Variants in CACNA1C observed in about 807,000 individuals in gnomAD.
CACNA1C encodes calcium voltage-gated channel subunit alpha1 C.
CACNA1C carries 30 observed loss-of-function variants against 229.0 expected under a neutral mutation model. The observed-to-expected ratio is 0.13, with a 90% CI of 0.10 to 0.18. CACNA1C has a LOEUF of 0.18. Among genes scored for constraint, CACNA1C ranks in the 10% least tolerant of loss-of-function variants. CACNA1C has a pLI of 1.00. For missense variants in CACNA1C, 1,658 were observed against 2,845.0 expected, an observed-to-expected ratio of 0.58 and a Z score of 9.49; for synonymous variants, 1,114 against 1,132.5, an observed-to-expected ratio of 0.98 and a Z score of 0.33.
intron 3 of CACNA1C, among the ~76,000 whole-genome samples, chr12:2,286,299 A>C (rs1566883260): frequency 6.6e-6 from 1 of 152,230 alleles, no homozygotes; most frequent in Non-Finnish European, 1.5e-5. Flanking sequence ...AGGAAGCAAG[A>C]ACCTTAATTA....
At chr12:2,187,170 T>C (rs1225783742) in intron 3 of CACNA1C, among the ~76,000 whole-genome samples, 1 of 152,232 alleles carries the variant, frequency 6.6e-6, no homozygotes, top group Non-Finnish European at 1.5e-5. Context: ...TTTACCATCA[T>C]TCTGTGAGTG....
chr12:2,676,938 GT>G (rs994257938), intron 39 of CACNA1C, 155 bp from the exon 40 acceptor site: 8 of 607,814 alleles, frequency 1.3e-5, no homozygotes, highest in Middle Eastern at 2.7e-4. Flanking sequence ...CCTTTTTATG[GT>G]TTTTTTTCTC....
At chr12:2,526,830 C>T (rs2099819270) in intron 9 of CACNA1C, among the ~76,000 whole-genome samples, 1 of 152,204 alleles carries the variant, frequency 6.6e-6, no homozygotes, top group South Asian at 2.1e-4. Flanking sequence ...CATAAAAATA[C>T]ACGTCCATTG....
intron 3 of CACNA1C, among the ~76,000 whole-genome samples, chr12:2,310,865 G>T (rs2095401544): frequency 6.6e-6 from 1 of 152,192 alleles, no homozygotes; most frequent in Admixed American, 6.5e-5. Context: ...GTGAATCCCG[G>T]AAGGTGCACT....
intron 10 of CACNA1C, chr12:2,550,598 G>A (rs372658528): frequency 2.4e-5 from 32 of 1,351,476 alleles, no homozygotes; most frequent in Non-Finnish European, 2.9e-5. Context: ...GGGGTGTCAC[G>A]ACTGTAAACT....
At chr12:2,130,129 T>C (rs1447516016) in intron 3 of CACNA1C, among the ~76,000 whole-genome samples, 1 of 151,550 alleles carries the variant, frequency 6.6e-6, no homozygotes, top group African/African-American at 2.4e-5. Flanking sequence ...CTTACGCTGC[T>C]GGCATTGCTC....
chr12:2,500,224 G>A (rs926415476), intron 7 of CACNA1C, among the ~76,000 whole-genome samples: 3 of 152,184 alleles, frequency 2.0e-5, no homozygotes, highest in African/African-American at 4.8e-5. Context: ...GTGGGACGGC[G>A]AGGGGGACCC....
chr12:2,571,714 C>T (rs967068036), intron 13 of CACNA1C, among the ~76,000 whole-genome samples: 18 of 152,166 alleles, frequency 1.2e-4, no homozygotes, highest in Non-Finnish European at 2.5e-4. Context: ...TTGAAAGTGA[C>T]TGTGGCAAAG....
intron 1 of CACNA1C, chr12:2,004,415 G>A (rs1267100184): frequency 1.9e-6 from 3 of 1,610,164 alleles, no homozygotes; most frequent in Non-Finnish European, 1.7e-6. Context: ...CAGGCCGCCT[G>A]CCGCCACGGC....
intron 1 of CACNA1C, among the ~76,000 whole-genome samples, chr12:2,056,941 A>C (rs1429824087): frequency 6.6e-6 from 1 of 152,204 alleles, no homozygotes; most frequent in East Asian, 1.9e-4. Flanking sequence ...ATCACACGAG[A>C]GGCTAATGCC....
At chr12:2,353,888 G>C (rs7961089) in intron 3 of CACNA1C, among the ~76,000 whole-genome samples, 34,344 of 152,114 alleles carry the variant, frequency 0.23, 4,071 homozygotes, top group Admixed American at 0.25. Flanking sequence ...TTCTGGTCCC[G>C]AATGCTGGGC....
At chr12:2,627,673 G>A (rs2153538640) in intron 29 of CACNA1C, among the ~76,000 whole-genome samples, 1 of 152,180 alleles carries the variant, frequency 6.6e-6, no homozygotes, top group Middle Eastern at 3.4e-3. Context: ...GAAGCCATCT[G>A]TTGCCCCTCC....
chr12:2,374,129 T>A (rs561834971), intron 3 of CACNA1C, among the ~76,000 whole-genome samples: 13 of 152,306 alleles, frequency 8.5e-5, no homozygotes, highest in African/African-American at 2.4e-4. Context: ...GACAGTAGAC[T>A]AGTAGTCTTC....
intron 3 of CACNA1C, among the ~76,000 whole-genome samples, chr12:2,175,201 A>G (rs1157747428): frequency 2.6e-5 from 4 of 152,242 alleles, no homozygotes; most frequent in Admixed American, 1.3e-4. Context: ...TTCAGTTCAT[A>G]TGTAAATTTC....
Position 2,679,047 on chromosome 12 carries a change from C to G in CACNA1C, c.5092-397C>G, listed in dbSNP as rs902709331. Among the ~76,000 whole-genome samples the G allele has an allele frequency of 6.6e-6, 1 of 152,200 alleles. No homozygotes were observed. The highest frequency in any genetic ancestry group is 1.5e-5 in the Non-Finnish European group (1 of 68,042). On this transcript the variant is annotated intron_variant, in intron 41 of 46. Transcript: ENST00000399655. This position sits in a 1 kb window ranked among gnomAD's most constrained non-coding sequence, Gnocchi z 5.5. ...ATCTTCTGGTCGCTCTCCCAGCCCC[C>G]GCCCTCACGGTGTGCTGGCTGCTCT...
Position 2,448,961 on chromosome 12 carries a change from AT to A in CACNA1C, c.478-12del. On this transcript the variant is annotated splice_polypyrimidine_tract_variant and intron_variant, in intron 3 of 46. Coordinates refer to ENST00000399655, the MANE Select transcript of CACNA1C (RefSeq NM_000719.7). ...AATGACTTATTTTTCTCTCTTTTCT[AT>A]TTCTGTTTCCTAGGAACGAGTGGAA... 6.3e-7 allele frequency: 1 copy of A among 1,598,234 alleles called. No homozygotes were observed.
rs1368630516 is a variant in CACNA1C at position 2,582,984 on chromosome 12, C to A, written c.2224+42C>A. 4 of 1,445,256 alleles carry A rather than the reference C, an allele frequency of 2.8e-6. No individual in the cohort carries two copies. The Admixed American group carries it at 5.9e-5, about 21-fold the overall frequency. 89.5% of individuals were successfully genotyped at this position (1,445,256 alleles called of 1,614,324 possible). ...CCCCCCACCCCTGCGGCCCCCAGCC[C>A]CCAGCCTGCAGCACAGTGCCAAACG... On this transcript the variant is annotated intron_variant, in intron 15 of 46. Transcript: ENST00000399655.
chr12:2,484,703 A>T (rs1300831009), intron 5 of CACNA1C, among the ~76,000 whole-genome samples: 1 of 73,918 alleles, frequency 1.4e-5, no homozygotes, highest in Non-Finnish European at 2.6e-5. Flanking sequence ...GACGTCCCCC[A>T]CCCCCCACCC....
intron 1 of CACNA1C, among the ~76,000 whole-genome samples, chr12:2,005,680 AGT>A (rs1431532614): frequency 6.6e-6 from 1 of 152,236 alleles, no homozygotes; most frequent in Admixed American, 6.5e-5. Flanking sequence ...TATAATGGAA[AGT>A]GTCAATATCT....
Sources: gnomAD v4.1 joint callset for allele counts (sites outside exome capture counted in the v4.1 genomes callset) on GRCh38, gnomAD v4.1.1 for gene constraint, Gnocchi (gnomAD v3.1) non-coding constraint, MANE v1.5 for transcripts, NCBI Gene and HGNC (gene_info 2026-07-23, HGNC 2026-07-21) for gene names.